The following NFIB variants were observed in gnomAD, a reference collection of about 807,000 sequenced individuals.
NFIB encodes the protein nuclear factor I B.
NFIB carries 11 observed loss-of-function variants against 61.5 expected under a neutral mutation model. That is an observed-to-expected ratio of 0.18 (90% CI 0.11 to 0.30). The LOEUF is 0.30. NFIB is among the 10% of genes least tolerant of loss of function. The pLI is 1.00. For synonymous variants in NFIB, 260 were observed against 216.5 expected (o/e 1.20, Z -1.76); for missense variants, 471 against 608.9 (o/e 0.77, Z 2.38).
At chr9:14,206,796 T>C (rs770473005) in intron 2 of NFIB, among the ~76,000 whole-genome samples, 1 of 151,968 alleles carries the variant, frequency 6.6e-6, no homozygotes, top group Non-Finnish European at 1.5e-5. Flanking sequence ...AGTAGCTATA[T>C]TTTATATCCC....
chr9:14,463,876 G>A, the NFIB span, among the ~76,000 whole-genome samples: 1 of 151,904 alleles, frequency 6.6e-6, no homozygotes, highest in Non-Finnish European at 1.5e-5. Flanking sequence ...TAGCCAGGAT[G>A]GCCTCGATCT....
rs141883770 is a variant in NFIB, at chr9:14,221,306, G to T, written c.563-41526C>A. On this transcript the variant is annotated intron_variant, in intron 2 of 10. Coordinates refer to ENST00000380953, the MANE Select transcript of NFIB (RefSeq NM_001190737.2). ...AGATGCCATACTGATTAAGTGGCAG[G>T]AACTATGCTAGACATGCATTATCTG... 1.7e-3 allele frequency among the ~76,000 whole-genome samples: 253 copies of T among 152,200 alleles called. 3 individuals carry two copies. Among genetic ancestry groups the T allele is most frequent in the African/African-American group, 5.8e-3 (241 of 41,534 alleles).
chr9:14,376,217 T>C (rs2061417541), intron 1 of NFIB, among the ~76,000 whole-genome samples: 1 of 152,160 alleles, frequency 6.6e-6, no homozygotes, highest in Non-Finnish European at 1.5e-5. Flanking sequence ...TGCCACCATG[T>C]TCAGTTTAAG....
the NFIB span, among the ~76,000 whole-genome samples, chr9:14,413,053 G>A: frequency 1.2e-4 from 18 of 152,004 alleles, no homozygotes; most frequent in African/African-American, 3.9e-4. Flanking sequence ...GAATATATGC[G>A]GGAGGCTTTC....
the NFIB span, among the ~76,000 whole-genome samples, chr9:14,487,093 AT>A: frequency 6.6e-6 from 1 of 152,154 alleles, no homozygotes; most frequent in African/African-American, 2.4e-5. Flanking sequence ...CTTTGTCTGG[AT>A]AAAAACAAAC....
chr9:14,462,501 C>G, the NFIB span, among the ~76,000 whole-genome samples: 3 of 152,038 alleles, frequency 2.0e-5, no homozygotes, highest in Admixed American at 6.6e-5. Flanking sequence ...CCAGGATGGT[C>G]TGGATCTCCT....
chr9:14,225,686 C>A (rs912352867), intron 2 of NFIB, among the ~76,000 whole-genome samples: 1 of 151,864 alleles, frequency 6.6e-6, no homozygotes, highest in Admixed American at 6.6e-5. Context: ...AGTTTTCCAG[C>A]ATAGGCATGG....
chr9:14,090,042 C>T (rs957460103), intron 10 of NFIB, among the ~76,000 whole-genome samples: 1 of 152,058 alleles, frequency 6.6e-6, no homozygotes, highest in East Asian at 1.9e-4. Flanking sequence ...CCTTTTTAGA[C>T]AAACAAATCA....
At chr9:14,105,298 A>G (rs1032843197) in intron 10 of NFIB, among the ~76,000 whole-genome samples, 2 of 152,234 alleles carry the variant, frequency 1.3e-5, no homozygotes, top group African/African-American at 4.8e-5. Flanking sequence ...GCTTAAGTAC[A>G]TTCAAAATAA....
At position 14,313,848 on chromosome 9, in the gene NFIB, C is replaced by T. The variant is rs1202536491; in HGVS notation, c.-337G>A. On this transcript the variant is annotated 5_prime_UTR_variant, in exon 1 of 11. Coordinates refer to ENST00000380953, the MANE Select transcript of NFIB (RefSeq NM_001190737.2). The surrounding 1 kb of genome is among the most constrained non-coding windows in gnomAD (Gnocchi z 4.5). ...GTTTGGGGATTTGTTTTCTATTTTG[C>T]AGTTGTTGTTGTTGTTGGGGTGTAG... 1 of 1,236,714 alleles carries T rather than the reference C, an allele frequency of 8.1e-7. No homozygotes were observed. The highest frequency in any genetic ancestry group is 1.0e-6 in the Non-Finnish European group (1 of 983,782). The allele number at this position is 1,236,714 out of a possible 1,614,324, so 76.6% of individuals were successfully genotyped here.
intron 1 of NFIB, among the ~76,000 whole-genome samples, chr9:14,359,619 T>A (rs949758657): frequency 6.6e-6 from 1 of 152,216 alleles, no homozygotes; most frequent in Non-Finnish European, 1.5e-5. Flanking sequence ...TTTTGGAAAT[T>A]TGTTATGGGA....
At chr9:14,125,522 G>A (rs1434906324) in intron 7 of NFIB, 110 bp downstream of exon 7, 4 of 1,435,880 alleles carry the variant, frequency 2.8e-6, no homozygotes, top group Non-Finnish European at 3.8e-6. Flanking sequence ...CATATGGGTT[G>A]AGAAAATATG....
chr9:14,286,772 G>C (rs1374714948), intron 2 of NFIB, among the ~76,000 whole-genome samples: 1 of 152,206 alleles, frequency 6.6e-6, no homozygotes. Flanking sequence ...TCAGTGAATA[G>C]TTGTTGAATG....
At chr9:14,518,253 T>A in the NFIB span, among the ~76,000 whole-genome samples, 1 of 152,210 alleles carries the variant, frequency 6.6e-6, no homozygotes, top group Non-Finnish European at 1.5e-5. Context: ...CATGGCCCTG[T>A]GTTTTGGGGC....
the NFIB span, among the ~76,000 whole-genome samples, chr9:14,518,855 C>T: frequency 3.3e-5 from 5 of 152,096 alleles, no homozygotes; most frequent in African/African-American, 4.8e-5. Context: ...CAACTTCCCT[C>T]TCTGGATCGG....
chr9:14,239,153 C>T (rs1485146834), intron 2 of NFIB, among the ~76,000 whole-genome samples: 1 of 152,178 alleles, frequency 6.6e-6, no homozygotes, highest in East Asian at 1.9e-4. Context: ...ATTGATTCTC[C>T]TCCATCATTT....
At chr9:14,261,563 T>C (rs1276472566) in intron 2 of NFIB, among the ~76,000 whole-genome samples, 1 of 152,026 alleles carries the variant, frequency 6.6e-6, no homozygotes, top group Non-Finnish European at 1.5e-5. Flanking sequence ...TATAAATTTA[T>C]TAGTGTGCAA....
chr9:14,315,219 G>A (rs369959017), upstream of NFIB, among the ~76,000 whole-genome samples: 1 of 151,636 alleles, frequency 6.6e-6, no homozygotes. Context: ...AGGGGGTGCG[G>A]GTTCGTCCCG....
the NFIB span, among the ~76,000 whole-genome samples, chr9:14,524,557 T>A: frequency 2.6e-5 from 4 of 152,158 alleles, no homozygotes; most frequent in Non-Finnish European, 1.5e-5. Context: ...AAAATGTGAG[T>A]TGAACCGCAA....
Sources: gnomAD v4.1 joint callset for allele counts (sites outside exome capture counted in the v4.1 genomes callset) on GRCh38, gnomAD v4.1.1 for gene constraint, Gnocchi (gnomAD v3.1) non-coding constraint, MANE v1.5 for transcripts, NCBI Gene and HGNC (gene_info 2026-07-23, HGNC 2026-07-21) for gene names.